Variants in CNTLN observed in about 807,000 individuals in gnomAD.
CNTLN encodes centlein, centrosomal protein.
A neutral mutation model predicts 180.0 loss-of-function variants in CNTLN; 212 were observed. That is an observed-to-expected ratio of 1.18 (90% CI 1.05 to 1.32). CNTLN has a LOEUF of 1.32. Among genes scored for constraint, CNTLN ranks in the 40% most tolerant of loss-of-function variants. CNTLN has a pLI of 0.00. For missense variants in CNTLN, 2,095 were observed against 1,610.9 expected, an observed-to-expected ratio of 1.30 and a Z score of -5.14; for synonymous variants, 722 against 563.1, an observed-to-expected ratio of 1.28 and a Z score of -3.99.
chr9:17,510,063 T>G, the CNTLN span, among the ~76,000 whole-genome samples: 7 of 152,002 alleles, frequency 4.6e-5, no homozygotes, highest in African/African-American at 1.7e-4. Context: ...TCCTTTACGG[T>G]ATCTCTTAGT....
In CNTLN at chr9:17,409,490, T is replaced by C. The variant is rs1827675977; in HGVS notation, c.2796+17T>C. 2 of 1,564,760 alleles carry C rather than the reference T, an allele frequency of 1.3e-6. No individual in the cohort carries two copies. Among genetic ancestry groups the C allele is most frequent in the East Asian group, 4.5e-5 (2 of 44,150 alleles). On this transcript the variant is annotated intron_variant, in intron 16 of 25. Coordinates refer to ENST00000380647, the MANE Select transcript of CNTLN (RefSeq NM_017738.4). ...ACCCCAAAGGTAAATGACATGATTT[T>C]GCTTAATTGTATGCTATGTTTTAAA...
Position 17,209,318 on chromosome 9 carries a change from T to A in CNTLN, c.450-16885T>A, listed in dbSNP as rs142273671. 5.0e-3 allele frequency among the ~76,000 whole-genome samples: 769 copies of A among 152,324 alleles called. 3 individuals are homozygous for A. The highest frequency in any genetic ancestry group is 0.017 in the African/African-American group (715 of 41,574). On this transcript the variant is annotated intron_variant, in intron 2 of 25. Transcript: ENST00000380647. ...TTCAATTTGTTTGAATTTTTAGGAATTTTTTATTGAGTCACATATGGTCTA... is the reference window on the plus strand; with the variant it reads ...TTCAATTTGTTTGAATTTTTAGGAAATTTTTATTGAGTCACATATGGTCTA...
intron 8 of CNTLN, among the ~76,000 whole-genome samples, chr9:17,318,809 A>T (rs951081047): frequency 1.3e-5 from 2 of 152,080 alleles, no homozygotes; most frequent in Admixed American, 6.6e-5. Flanking sequence ...ATTCAGTCCA[A>T]CTAGACTCAC....
chr9:17,460,281 A>G (rs1831377385), intron 19 of CNTLN, among the ~76,000 whole-genome samples: 1 of 151,750 alleles, frequency 6.6e-6, no homozygotes, highest in African/African-American at 2.4e-5. Context: ...TTACTATACT[A>G]TGCAAATTTT....
chr9:17,338,496 A>T (rs910612916), intron 10 of CNTLN, among the ~76,000 whole-genome samples: 1 of 151,532 alleles, frequency 6.6e-6, no homozygotes, highest in African/African-American at 2.4e-5. Flanking sequence ...TAATTAAATT[A>T]TTAATAAATT....
intron 23 of CNTLN, among the ~76,000 whole-genome samples, chr9:17,481,403 C>T (rs1832639369): frequency 6.6e-6 from 1 of 152,196 alleles, no homozygotes; most frequent in African/African-American, 2.4e-5. Flanking sequence ...GGTCAAGGAA[C>T]CCAGCCTGTA....
intron 18 of CNTLN, among the ~76,000 whole-genome samples, chr9:17,433,877 A>C (rs1037534886): frequency 3.3e-5 from 5 of 152,206 alleles, no homozygotes; most frequent in African/African-American, 1.2e-4. Flanking sequence ...TACCATGCCC[A>C]GCCTGTAAGA....
At chr9:17,318,335 G>A (rs1819674236) in intron 8 of CNTLN, among the ~76,000 whole-genome samples, 1 of 151,970 alleles carries the variant, frequency 6.6e-6, no homozygotes, top group African/African-American at 2.4e-5. Context: ...GGCCCTAACT[G>A]AATATTTTTA....
Position 17,486,988 on chromosome 9 carries a change from G to A in CNTLN, c.4042-1G>A, listed in dbSNP as rs375464530. ...CCAGTGTTTTTATTTTTTTTCTTCA[G>A]GAAATTGAAAAAACAAAAATTGATG... On this transcript the variant is annotated splice_acceptor_variant, in intron 24 of 25. Coordinates refer to ENST00000380647, the MANE Select transcript of CNTLN (RefSeq NM_017738.4). LOFTEE classifies it high-confidence loss of function. 1.9e-6 allele frequency: 3 copies of A among 1,555,820 alleles called. No homozygotes were observed. The highest frequency in any genetic ancestry group is 2.8e-5 in the African/African-American group (2 of 71,426).
At chr9:17,204,051 G>A (rs1822745696) in intron 2 of CNTLN, among the ~76,000 whole-genome samples, 1 of 152,158 alleles carries the variant, frequency 6.6e-6, no homozygotes, top group Non-Finnish European at 1.5e-5. Flanking sequence ...ATTCTAGTTA[G>A]CAGTTTTTGT....
At position 17,273,783 on chromosome 9, in the gene CNTLN, G is replaced by A; in HGVS notation, c.900G>A (p.Gln300=). ...CAAGGAAAGAAGTTGAAGTATCACA[G>A]AGTAAATACAATGCTCTATCATTAC... ...IEARKEVEVS[Q]SKYNALSLQL... is the part of the protein sequence containing the mutation. The change falls in exon 6 of 26, where the codon CAG becomes CAA. Residue 300 remains glutamine, a synonymous_variant. Transcript: ENST00000380647. 1.3e-6 allele frequency: 2 copies of A among 1,564,720 alleles called. No homozygotes were observed. The highest frequency in any genetic ancestry group is 1.7e-6 in the Non-Finnish European group (2 of 1,157,880).
intron 2 of CNTLN, among the ~76,000 whole-genome samples, chr9:17,206,189 T>C (rs1467713226): frequency 6.6e-6 from 1 of 151,946 alleles, no homozygotes; most frequent in African/African-American, 2.4e-5. Context: ...CCAATGGGGG[T>C]GGGGTAATAA....
the CNTLN span, among the ~76,000 whole-genome samples, chr9:17,527,733 C>A: frequency 6.6e-6 from 1 of 152,040 alleles, no homozygotes; most frequent in Non-Finnish European, 1.5e-5. Context: ...TAAGAGGAAC[C>A]AGGGCTCTTG....
At chr9:17,362,410 A>G (rs1409595715) in intron 12 of CNTLN, among the ~76,000 whole-genome samples, 1 of 152,178 alleles carries the variant, frequency 6.6e-6, no homozygotes, top group Non-Finnish European at 1.5e-5. Flanking sequence ...CTGCCAGTAT[A>G]TATCATGGGA....
chr9:17,137,939 A>G (rs1163576475), intron 1 of CNTLN, among the ~76,000 whole-genome samples: 1 of 152,184 alleles, frequency 6.6e-6, no homozygotes, highest in Non-Finnish European at 1.5e-5. Context: ...TAGCAACTGA[A>G]CTATAAATAA....
intron 5 of CNTLN, among the ~76,000 whole-genome samples, chr9:17,256,373 C>G (rs1002803462): frequency 6.6e-6 from 1 of 151,972 alleles, no homozygotes; most frequent in Non-Finnish European, 1.5e-5. Context: ...ATTTTCAAAC[C>G]TACCAACAAT....
the CNTLN span, among the ~76,000 whole-genome samples, chr9:17,514,594 C>T: frequency 1.3e-5 from 2 of 152,006 alleles, no homozygotes; most frequent in African/African-American, 4.8e-5. Flanking sequence ...CTAATAAAAA[C>T]ATAAGTATTC....
chr9:17,421,480 T>C (rs1037143115), intron 18 of CNTLN, among the ~76,000 whole-genome samples: 4 of 152,158 alleles, frequency 2.6e-5, no homozygotes, highest in African/African-American at 9.6e-5. Flanking sequence ...AATGAGTTTC[T>C]TGTAGGTAGT....
chr9:17,210,130 T>C (rs1823189689), intron 2 of CNTLN, among the ~76,000 whole-genome samples: 1 of 152,180 alleles, frequency 6.6e-6, no homozygotes, highest in African/African-American at 2.4e-5. Flanking sequence ...TTGTTACATA[T>C]GTATACATGT....
Sources: allele counts gnomAD v4.1 joint callset (sites outside exome capture counted in the v4.1 genomes callset), GRCh38; gene constraint gnomAD v4.1.1; transcripts MANE v1.5; gene names NCBI Gene and HGNC (gene_info 2026-07-23, HGNC 2026-07-21).